ERBB4: variants seen among roughly 807,000 people sequenced by gnomAD.
The protein encoded by ERBB4 is erb-b2 receptor tyrosine kinase 4.
A neutral mutation model predicts 158.0 loss-of-function variants in ERBB4; 42 were observed. The observed-to-expected ratio is 0.27, with a 90% CI of 0.21 to 0.34. ERBB4 has a LOEUF of 0.34. Among genes scored for constraint, ERBB4 ranks in the 10% least tolerant of loss-of-function variants. The probability of loss-of-function intolerance (pLI) is 1.00; values close to 1 mark genes in which losing one functional copy is unlikely to be tolerated. For synonymous variants in ERBB4, 583 were observed against 558.7 expected (o/e 1.04, Z -0.61); for missense variants, 1,333 against 1,624.1 (o/e 0.82, Z 3.08).
chr2:211,574,870 C>G (rs563395820), intron 19 of ERBB4, among the ~76,000 whole-genome samples: 10 of 152,314 alleles, frequency 6.6e-5, no homozygotes, highest in Non-Finnish European at 1.2e-4. Flanking sequence ...TGTGGTCCCT[C>G]TGAAGTCACA....
chr2:211,385,021 A>T (rs1164437423), intron 27 of ERBB4, among the ~76,000 whole-genome samples: 1 of 152,104 alleles, frequency 6.6e-6, no homozygotes, highest in African/African-American at 2.4e-5. Context: ...TTTACTATAT[A>T]CACAAAGCCC....
intron 19 of ERBB4, among the ~76,000 whole-genome samples, chr2:211,596,969 T>C (rs767547339): frequency 7.9e-5 from 12 of 152,296 alleles, no homozygotes; most frequent in Non-Finnish European, 1.3e-4. Flanking sequence ...TTTTGCCATG[T>C]TGGCCAGGCT....
chr2:212,119,034 A>G (rs1468038579), intron 2 of ERBB4, among the ~76,000 whole-genome samples: 1 of 152,008 alleles, frequency 6.6e-6, no homozygotes, highest in Non-Finnish European at 1.5e-5. Context: ...GACATGTATA[A>G]TGATTAAAAT....
chr2:211,896,467 A>G (rs1164737717), intron 3 of ERBB4, among the ~76,000 whole-genome samples: 3 of 152,142 alleles, frequency 2.0e-5, no homozygotes, highest in African/African-American at 7.2e-5. Flanking sequence ...AGAAATTTCT[A>G]CTGCTGTCAT....
intron 20 of ERBB4, among the ~76,000 whole-genome samples, chr2:211,523,299 C>T (rs2066240286): frequency 6.8e-6 from 1 of 147,808 alleles, no homozygotes; most frequent in Non-Finnish European, 1.5e-5. Flanking sequence ...TCACACATCC[C>T]CCCACAGCAG....
At chr2:212,006,089 T>C (rs946322789) in intron 2 of ERBB4, among the ~76,000 whole-genome samples, 1 of 152,158 alleles carries the variant, frequency 6.6e-6, no homozygotes, top group Non-Finnish European at 1.5e-5. Context: ...AGTTCTGAAA[T>C]AGATAATCAA....
At chr2:211,455,147 T>C (rs933512406) in intron 20 of ERBB4, among the ~76,000 whole-genome samples, 1 of 152,240 alleles carries the variant, frequency 6.6e-6, no homozygotes, top group Non-Finnish European at 1.5e-5. Flanking sequence ...ATTACTCTGT[T>C]TTAATATGAT....
intron 1 of ERBB4, among the ~76,000 whole-genome samples, chr2:212,487,653 A>G (rs1357154841): frequency 1.3e-5 from 2 of 151,994 alleles, no homozygotes; most frequent in Non-Finnish European, 2.9e-5. Context: ...AATATAATCC[A>G]TATTACATGC....
chr2:212,184,642 G>C lies in ERBB4; in HGVS notation c.83-59739C>G, dbSNP rs10204399. 3.2e-3 allele frequency among the ~76,000 whole-genome samples: 459 copies of C among 144,430 alleles called. 2 individuals carry two copies. Among genetic ancestry groups the C allele is most frequent in the African/African-American group, 0.011 (428 of 39,516 alleles). The allele number at this position is 144,430 out of a possible 152,430, so 94.8% of individuals were successfully genotyped here. A position where few individuals can be genotyped will look rare whatever the true frequency, so the allele number is the denominator to read the frequency against. On this transcript the variant is annotated intron_variant, in intron 1 of 27. Coordinates refer to ENST00000342788, the MANE Select transcript of ERBB4 (RefSeq NM_005235.3). ...AAGTAAACAAAATGTCTTTGTGTTC[G>C]TTTGTTTTTGTTTATTTTACCTACT...
At chr2:212,396,077 G>A (rs2091017509) in intron 1 of ERBB4, among the ~76,000 whole-genome samples, 1 of 152,092 alleles carries the variant, frequency 6.6e-6, no homozygotes, top group Non-Finnish European at 1.5e-5. Context: ...AAGATATTCT[G>A]CCAAAAATTC....
intron 19 of ERBB4, among the ~76,000 whole-genome samples, chr2:211,591,911 G>T (rs866860308): frequency 1.1e-4 from 17 of 151,024 alleles, no homozygotes; most frequent in Middle Eastern, 3.4e-3. Flanking sequence ...ACCTTGTTGA[G>T]GTTGTGTTGT....
intron 19 of ERBB4, among the ~76,000 whole-genome samples, chr2:211,595,628 C>T (rs1286842321): frequency 3.9e-5 from 6 of 151,942 alleles, no homozygotes; most frequent in African/African-American, 1.2e-4. Flanking sequence ...ACTAACAGAC[C>T]ACACAGAAAT....
chr2:212,037,021 A>G (rs2077030994), intron 2 of ERBB4, among the ~76,000 whole-genome samples: 1 of 152,214 alleles, frequency 6.6e-6, no homozygotes, highest in Admixed American at 6.5e-5. Flanking sequence ...GCGCTACAGT[A>G]GAGAAAATTA....
intron 1 of ERBB4, among the ~76,000 whole-genome samples, chr2:212,168,618 T>C (rs1260459728): frequency 6.6e-6 from 1 of 152,020 alleles, no homozygotes; most frequent in East Asian, 1.9e-4. Context: ...ATTAACGCAA[T>C]AGATGAAGAA....
intron 22 of ERBB4, among the ~76,000 whole-genome samples, chr2:211,425,390 C>A (rs2063605761): frequency 6.7e-6 from 1 of 149,546 alleles, no homozygotes; most frequent in Admixed American, 6.6e-5. Flanking sequence ...ATTATTCTTT[C>A]TAATAGAATA....
chr2:211,913,619 ATG>A (rs34762084), intron 3 of ERBB4, among the ~76,000 whole-genome samples: 24,061 of 132,516 alleles, frequency 0.18, 2,382 homozygotes, highest in Non-Finnish European at 0.24. Context: ...ATATATATAT[ATG>A]TGTGTGTGTG....
chr2:211,760,985 C>A (rs1016452017), intron 4 of ERBB4, among the ~76,000 whole-genome samples: 2 of 151,988 alleles, frequency 1.3e-5, no homozygotes, highest in African/African-American at 4.8e-5. Context: ...GAAGGCGGAT[C>A]ACGAGGTCAG....
At chr2:211,426,065 G>A (rs2063619713) in intron 22 of ERBB4, among the ~76,000 whole-genome samples, 1 of 151,622 alleles carries the variant, frequency 6.6e-6, no homozygotes. Context: ...CACATTTCTA[G>A]CAGAACTCCC....
chr2:212,129,383 C>T (rs1411777727), intron 1 of ERBB4, among the ~76,000 whole-genome samples: 1 of 151,004 alleles, frequency 6.6e-6, no homozygotes, highest in Non-Finnish European at 1.5e-5. Flanking sequence ...TTGCATAATT[C>T]CCATTCTACA....
Sources: allele counts gnomAD v4.1 joint callset (sites outside exome capture counted in the v4.1 genomes callset), GRCh38; gene constraint gnomAD v4.1.1; transcripts MANE v1.5; gene names NCBI Gene and HGNC (gene_info 2026-07-23, HGNC 2026-07-21).